Variants in CDK11B observed in about 807,000 individuals in gnomAD.
CDK11B encodes cyclin-dependent kinase 11B.
In CDK11B, 37 loss-of-function variants were observed where a neutral mutation model predicts 84.0. The observed-to-expected ratio is 0.44, with a 90% CI of 0.34 to 0.58. The LOEUF is 0.58. Ranked by LOEUF, CDK11B falls within the 20% of genes least tolerant of loss-of-function variation. The pLI, the probability that CDK11B is intolerant of heterozygous loss-of-function variation, is 0.02. For missense variants in CDK11B, 427 were observed against 834.0 expected (o/e 0.51, Z 6.01); for synonymous variants, 269 against 309.8 (o/e 0.87, Z 1.38).
intron 5 of CDK11B, chr1:1,646,005 A>G (rs1641049487): frequency 2.1e-6 from 1 of 485,586 alleles, no homozygotes; most frequent in Non-Finnish European, 4.1e-6. Flanking sequence ...CACCCAGGTG[A>G]TTTTTGTAGA....
At chr1:1,652,191 C>T (rs1186603574) in intron 4 of CDK11B, among the ~76,000 whole-genome samples, 50,645 of 135,684 alleles carry the variant, frequency 0.37, 9,031 homozygotes, top group African/African-American at 0.52. Context: ...TTCTGGTTTT[C>T]GGTCTGTGAC....
intron 5 of CDK11B, chr1:1,646,888 C>G (rs1641212367): frequency 5.8e-6 from 3 of 520,016 alleles, no homozygotes; most frequent in Non-Finnish European, 1.2e-5. Flanking sequence ...TGAAGCTCCC[C>G]TTTCATGGGA....
intron 2 of CDK11B, 147 bp from the exon 3 acceptor site, chr1:1,655,631 A>G: frequency 7.6e-7 from 1 of 1,315,784 alleles, no homozygotes; most frequent in Non-Finnish European, 1.0e-6. Flanking sequence ...TATAAAATAT[A>G]AAGAACTTTT....
intron 2 of CDK11B, among the ~76,000 whole-genome samples, chr1:1,655,886 A>AAAACAAAC (rs70937166): frequency 6.6e-6 from 1 of 152,110 alleles, no homozygotes; most frequent in African/African-American, 2.4e-5. Context: ...CGTATCAGGG[A>AAAACAAAC]AAACAAACAA....
chr1:1,653,795 C>A (rs1642328238), intron 3 of CDK11B, among the ~76,000 whole-genome samples: 1 of 149,332 alleles, frequency 6.7e-6, no homozygotes, highest in Admixed American at 6.7e-5. Context: ...ACCAGTGTGA[C>A]CACACAGTGA....
intron 13 of CDK11B, 52 bp downstream of exon 13, chr1:1,637,710 C>T: frequency 6.2e-7 from 1 of 1,613,510 alleles, no homozygotes; most frequent in Non-Finnish European, 8.5e-7. Context: ...AGCACGGGGC[C>T]CTGTCAGAAA....
At chr1:1,639,646 C>CT (rs1219439162) in intron 11 of CDK11B, among the ~76,000 whole-genome samples, 1 of 151,834 alleles carries the variant, frequency 6.6e-6, no homozygotes, top group East Asian at 1.9e-4. Context: ...CAGAGGCGCT[C>CT]ACAAGGCATA....
At position 1,636,805 on chromosome 1, in the gene CDK11B, G is replaced by C. The variant is rs374179931; in HGVS notation, c.1801-7C>G. 1.0e-4 allele frequency: 162 copies of C among 1,613,536 alleles called. 1 individual carries two copies. The highest frequency in any genetic ancestry group is 5.5e-4 in the African/African-American group (41 of 74,828). On this transcript the variant is annotated splice_region_variant and splice_polypyrimidine_tract_variant and intron_variant, in intron 16 of 19. Coordinates refer to ENST00000341832, the MANE Select transcript of CDK11B (RefSeq NM_033486.3). ...CCACGGCCGTGGAGTATTCCTAAGA[G>C]GTCAGGAGAGGTGTTCAGGAGGGCC...
intron 4 of CDK11B, among the ~76,000 whole-genome samples, chr1:1,650,078 G>T: frequency 6.6e-6 from 1 of 150,866 alleles, no homozygotes; most frequent in East Asian, 2.0e-4. Flanking sequence ...GGACCATCCT[G>T]GCTAACACGG....
rs1182195538 is a variant in CDK11B, at chr1:1,657,406, T to A, written c.80A>T (p.Glu27Val). ...TAAGCGTTTTATCTCTGCTTTCTCC[T>A]CTTGTTCCTTCCTTCGTTTCTTTTC... ...LQEKKRRKEQ[E>V]EKAEIKRLKN... is the part of the protein sequence containing the mutation. Residue 27 changes from glutamate to valine, a missense_variant, in exon 2 of 20, where the codon GAG becomes GTG. Physicochemically the swap from Glu to Val is moderately radical, Grantham distance 121. Transcript: ENST00000341832. The A allele has an allele frequency of 4.4e-6, 7 of 1,590,376 alleles. No homozygotes were observed. The highest frequency in any genetic ancestry group is 5.1e-6 in the Non-Finnish European group (6 of 1,168,130).
chr1:1,657,702 C>A lies in CDK11B; in HGVS notation c.-13-204G>T, dbSNP rs1642940001. On this transcript the variant is annotated intron_variant, in intron 1 of 19. Coordinates refer to ENST00000341832, the MANE Select transcript of CDK11B (RefSeq NM_033486.3). ...TCGCTGGAGTTCCGGAGTTCAACAC[C>A]AGCCCGGGCAACATGGCAAAACCTC... is the stretch of plus-strand genomic sequence containing the variant. 4.1e-5 allele frequency among the ~76,000 whole-genome samples: 5 copies of A among 121,878 alleles called. No homozygotes were observed. In the Admixed American group the frequency reaches 4.3e-4, roughly 11 times the overall value. 80.0% of individuals were successfully genotyped at this position (121,878 alleles called of 152,430 possible). A position where few individuals can be genotyped will look rare whatever the true frequency, so the allele number is the denominator to read the frequency against.
Position 1,649,482 on chromosome 1 carries a change from T to C in CDK11B, c.494+17A>G, listed in dbSNP as rs1641611042. The C allele has an allele frequency of 6.5e-7, 1 of 1,546,406 alleles. No homozygotes were observed. On this transcript the variant is annotated intron_variant, in intron 5 of 19. Transcript: ENST00000341832. The stretch of plus-strand genomic sequence containing the variant: ...ACAGCCCTTTTATAAAGTCCTCAAC[T>C]GACCCAGCCGACTCACCTTTCTCTC...
At chr1:1,650,441 C>A (rs1438033816) in intron 4 of CDK11B, among the ~76,000 whole-genome samples, 1 of 146,008 alleles carries the variant, frequency 6.8e-6, no homozygotes, top group Non-Finnish European at 1.5e-5. Flanking sequence ...TCTCGGCTCA[C>A]TGCAAGCTCC....
At chr1:1,650,244 T>A (rs1641781800) in intron 4 of CDK11B, among the ~76,000 whole-genome samples, 2 of 95,950 alleles carry the variant, frequency 2.1e-5, no homozygotes, top group African/African-American at 4.6e-5. Context: ...TACTCCAGCC[T>A]GGGTGACAAG....
chr1:1,655,886 AAAAC>A (rs70937166), intron 2 of CDK11B, among the ~76,000 whole-genome samples: 8,654 of 152,054 alleles, frequency 0.057, 436 homozygotes, highest in East Asian at 0.28. Flanking sequence ...CGTATCAGGG[AAAAC>A]AAACAAACAA....
At chr1:1,655,860 C>T (rs1195791760) in intron 2 of CDK11B, among the ~76,000 whole-genome samples, 1 of 151,748 alleles carries the variant, frequency 6.6e-6, no homozygotes, top group Non-Finnish European at 1.5e-5. Context: ...TCCAGCCTGG[C>T]GACAGAGTTA....
At chr1:1,657,161 A>C (rs1642866120) in intron 2 of CDK11B, 6 of 1,580,382 alleles carry the variant, frequency 3.8e-6, no homozygotes, top group Non-Finnish European at 5.2e-6. Context: ...ATGTATGCTC[A>C]ATCTAGACAC....
intron 11 of CDK11B, among the ~76,000 whole-genome samples, chr1:1,638,937 ATTTTTTTT>A (rs70937162): frequency 1.7e-5 from 2 of 119,438 alleles, no homozygotes; most frequent in African/African-American, 6.9e-5. Flanking sequence ...TCTGTTTTCT[ATTTTTTTT>A]TTTTTTTTTT....
chr1:1,639,008 T>G (rs1211504009), intron 11 of CDK11B, among the ~76,000 whole-genome samples: 2 of 147,158 alleles, frequency 1.4e-5, no homozygotes, highest in Non-Finnish European at 3.0e-5. Flanking sequence ...TGGTGAGATC[T>G]CGGCTCACTG....
Sources: allele counts gnomAD v4.1 joint callset (sites outside exome capture counted in the v4.1 genomes callset), GRCh38; gene constraint gnomAD v4.1.1; transcripts MANE v1.5; gene names NCBI Gene and HGNC (gene_info 2026-07-23, HGNC 2026-07-21).